LRMDA: variants seen among roughly 807,000 people sequenced by gnomAD.
LRMDA encodes the protein leucine rich melanocyte differentiation associated.
Under a neutral mutation model 29.8 loss-of-function variants are expected in LRMDA, and 18 were observed. The ratio of observed to expected loss-of-function variants is 0.60; its 90% CI spans 0.42 to 0.90. The LOEUF is 0.90. Ranked by LOEUF, LRMDA falls within the 40% of genes least tolerant of loss-of-function variation. The pLI is 0.00. For missense variants in LRMDA, 273 were observed against 273.9 expected (o/e 1.00, Z 0.02); for synonymous variants, 125 against 109.4 (o/e 1.14, Z -0.89).
intron 6 of LRMDA, among the ~76,000 whole-genome samples, chr10:76,341,615 A>G (rs1473584149): frequency 2.0e-5 from 3 of 152,152 alleles, no homozygotes; most frequent in Non-Finnish European, 4.4e-5. Flanking sequence ...TCAAGAAAGG[A>G]TAGTAGGAAT....
intron 2 of LRMDA, among the ~76,000 whole-genome samples, chr10:75,813,558 G>T (rs1418799432): frequency 6.6e-6 from 1 of 152,158 alleles, no homozygotes; most frequent in African/African-American, 2.4e-5. Context: ...AAAGAGTTTG[G>T]GTTTATATCT....
chr10:76,214,113 G>C (rs1851683440), intron 5 of LRMDA, among the ~76,000 whole-genome samples: 1 of 152,026 alleles, frequency 6.6e-6, no homozygotes, highest in Non-Finnish European at 1.5e-5. Flanking sequence ...ATTCTCCTGA[G>C]ACTTGCAGCT....
chr10:75,985,636 T>C (rs1465707863), intron 2 of LRMDA, among the ~76,000 whole-genome samples: 4 of 152,164 alleles, frequency 2.6e-5, no homozygotes, highest in African/African-American at 9.7e-5. Flanking sequence ...CCCACCAACC[T>C]CAGCAGTCTG....
chr10:76,513,535 C>T (rs1843029699), intron 6 of LRMDA, among the ~76,000 whole-genome samples: 1 of 152,120 alleles, frequency 6.6e-6, no homozygotes, highest in Non-Finnish European at 1.5e-5. Context: ...AGCTGAGGGA[C>T]CTCTCCCATG....
intron 6 of LRMDA, among the ~76,000 whole-genome samples, chr10:76,513,483 A>G (rs1843028402): frequency 1.3e-5 from 2 of 152,118 alleles, no homozygotes; most frequent in Admixed American, 1.3e-4. Context: ...AGATGTATAT[A>G]TACACATTTT....
chr10:76,207,380 A>G (rs1851555748), intron 5 of LRMDA, among the ~76,000 whole-genome samples: 1 of 152,208 alleles, frequency 6.6e-6, no homozygotes. Context: ...CAGCTAGTTC[A>G]GGGATCCTAC....
At chr10:75,818,719 G>A (rs1844103745) in intron 2 of LRMDA, among the ~76,000 whole-genome samples, 1 of 152,180 alleles carries the variant, frequency 6.6e-6, no homozygotes, top group Admixed American at 6.5e-5. Context: ...GACCTGTCAT[G>A]GGATAGAGGA....
intron 2 of LRMDA, among the ~76,000 whole-genome samples, chr10:75,988,083 G>A (rs1371560965): frequency 6.6e-5 from 10 of 152,192 alleles, no homozygotes; most frequent in Non-Finnish European, 1.5e-4. Flanking sequence ...CCATTCTGAA[G>A]CAGGAGGCAC....
chr10:76,196,110 T>C (rs935583540), intron 5 of LRMDA, among the ~76,000 whole-genome samples: 7 of 152,208 alleles, frequency 4.6e-5, no homozygotes, highest in Non-Finnish European at 1.0e-4. Context: ...TTACTAAGAA[T>C]TGTACTGGTG....
chr10:75,516,115 T>C (rs1845285455), intron 2 of LRMDA, among the ~76,000 whole-genome samples: 1 of 152,270 alleles, frequency 6.6e-6, no homozygotes, highest in African/African-American at 2.4e-5. Context: ...TGATGGACAT[T>C]TGGGTTGGTT....
intron 6 of LRMDA, among the ~76,000 whole-genome samples, chr10:76,374,002 G>C (rs1841486623): frequency 6.6e-6 from 1 of 152,176 alleles, no homozygotes; most frequent in South Asian, 2.1e-4. Flanking sequence ...CCAAAATATA[G>C]GTGCTGAAAG....
intron 2 of LRMDA, among the ~76,000 whole-genome samples, chr10:75,715,286 T>C (rs921379857): frequency 1.8e-4 from 28 of 152,246 alleles, no homozygotes; most frequent in African/African-American, 6.8e-4. Context: ...GTTATAGTTT[T>C]GTTTTATACC....
chr10:76,178,423 A>T (rs904790001), intron 5 of LRMDA, among the ~76,000 whole-genome samples: 1 of 152,226 alleles, frequency 6.6e-6, no homozygotes. Flanking sequence ...TGGCATTTTC[A>T]CCCATTAGCA....
chr10:76,493,034 T>C (rs1842849114), intron 6 of LRMDA, among the ~76,000 whole-genome samples: 1 of 151,990 alleles, frequency 6.6e-6, no homozygotes, highest in Admixed American at 6.6e-5. Context: ...GGTTACCACA[T>C]GTGATTGTTC....
At chr10:76,417,394 G>A (rs1256458480) in intron 6 of LRMDA, among the ~76,000 whole-genome samples, 2 of 151,582 alleles carry the variant, frequency 1.3e-5, no homozygotes, top group African/African-American at 4.9e-5. Context: ...CTTTTAAAGT[G>A]AACTATGACG....
intron 6 of LRMDA, among the ~76,000 whole-genome samples, chr10:76,473,483 T>G (rs1358278244): frequency 6.6e-6 from 1 of 151,584 alleles, no homozygotes. Context: ...ATCTCCACTT[T>G]TATTTAACAT....
chr10:75,621,230 A>ACC (rs1206960593), intron 2 of LRMDA, among the ~76,000 whole-genome samples: 1 of 149,288 alleles, frequency 6.7e-6, no homozygotes, highest in African/African-American at 2.5e-5. Flanking sequence ...ACACACCCAC[A>ACC]CACCCACACA....
At position 75,800,817 on chromosome 10, in the gene LRMDA, C is replaced by T. The variant is rs74392376; in HGVS notation, c.132-235191C>T. On this transcript the variant is annotated intron_variant, in intron 2 of 6. Coordinates refer to ENST00000611255, the MANE Select transcript of LRMDA (RefSeq NM_001305581.2). The stretch of plus-strand genomic sequence containing the variant: ...TTTGTATATGTAGCATTTTCCATTG[C>T]GTTAATATGTTGCAAGGATTCTGAA... Among the ~76,000 whole-genome samples, 830 of 152,162 alleles carry T rather than the reference C, an allele frequency of 5.5e-3. 11 individuals carry two copies. Among genetic ancestry groups the T allele is most frequent in the African/African-American group, 0.02 (811 of 41,488 alleles).
intron 5 of LRMDA, among the ~76,000 whole-genome samples, chr10:76,074,102 T>C (rs537827117): frequency 6.6e-6 from 1 of 152,338 alleles, no homozygotes; most frequent in South Asian, 2.1e-4. Context: ...CTGGCTGATC[T>C]TGCTTTTATT....
Sources: allele counts gnomAD v4.1 joint callset (sites outside exome capture counted in the v4.1 genomes callset), GRCh38; gene constraint gnomAD v4.1.1; transcripts MANE v1.5; gene names NCBI Gene and HGNC (gene_info 2026-07-23, HGNC 2026-07-21).